PTPRD: variants seen among roughly 807,000 people sequenced by gnomAD.
PTPRD encodes protein tyrosine phosphatase receptor type D.
In PTPRD, 34 loss-of-function variants were observed where a neutral mutation model predicts 214.5. That is an observed-to-expected ratio of 0.16 (90% CI 0.12 to 0.21). PTPRD has a LOEUF of 0.21. PTPRD is among the 10% of genes least tolerant of loss of function. PTPRD has a pLI of 1.00. For synonymous variants in PTPRD, 1,128 were observed against 845.7 expected (o/e 1.33, Z -5.79); for missense variants, 2,545 against 2,398.7 (o/e 1.06, Z -1.27).
At position 8,953,070 on chromosome 9, in the gene PTPRD, G is replaced by GT. The variant is rs577498219; in HGVS notation, c.-104+65626dup. On this transcript the variant is annotated intron_variant, in intron 11 of 45. Transcript: ENST00000381196. Reference sequence around the variant, plus strand: ...AAGCAACGAATTATATTTTAGAATAGTTTTTTTTTTTAGATAAAATATATG... The same window carrying GT: ...AAGCAACGAATTATATTTTAGAATAGTTTTTTTTTTTTAGATAAAATATATG... Among the ~76,000 whole-genome samples, 479 of 148,162 alleles carry GT rather than the reference G, an allele frequency of 3.2e-3. 1 individual carries two copies. The highest frequency in any genetic ancestry group is 9.6e-3 in the African/African-American group (391 of 40,556).
intron 5 of PTPRD, among the ~76,000 whole-genome samples, chr9:9,783,100 C>T (rs2098871588): frequency 6.6e-6 from 1 of 152,042 alleles, no homozygotes; most frequent in African/African-American, 2.4e-5. Flanking sequence ...CATTCCTTGA[C>T]AATTAAAAAA....
At chr9:8,847,547 C>G (rs1209875481) in intron 11 of PTPRD, among the ~76,000 whole-genome samples, 1 of 152,080 alleles carries the variant, frequency 6.6e-6, no homozygotes, top group Non-Finnish European at 1.5e-5. Flanking sequence ...CCATAAAAGA[C>G]CGAGTAATTT....
At chr9:8,644,169 C>T (rs934780941) in intron 12 of PTPRD, among the ~76,000 whole-genome samples, 7 of 152,044 alleles carry the variant, frequency 4.6e-5, no homozygotes, top group African/African-American at 1.7e-4. Flanking sequence ...AGAGGAGCTA[C>T]CCTCTCTGAT....
chr9:9,706,471 C>T (rs1434270720), intron 7 of PTPRD, among the ~76,000 whole-genome samples: 1 of 151,242 alleles, frequency 6.6e-6, no homozygotes, highest in East Asian at 1.9e-4. Flanking sequence ...TGGAGTTTCA[C>T]TCTGGTCTCA....
intron 12 of PTPRD, among the ~76,000 whole-genome samples, chr9:8,670,252 T>C (rs2097256105): frequency 6.6e-6 from 1 of 152,150 alleles, no homozygotes; most frequent in Admixed American, 6.6e-5. Flanking sequence ...TATTTAGACT[T>C]GTTCGTCCTA....
intron 5 of PTPRD, among the ~76,000 whole-genome samples, chr9:9,861,574 C>A (rs909356778): frequency 1.3e-5 from 2 of 152,194 alleles, no homozygotes; most frequent in Non-Finnish European, 2.9e-5. Context: ...CTGGCGTGAG[C>A]CACCGCACAT....
intron 8 of PTPRD, among the ~76,000 whole-genome samples, chr9:9,496,271 G>T (rs549923107): frequency 6.6e-6 from 1 of 152,082 alleles, no homozygotes; most frequent in Admixed American, 6.5e-5. Flanking sequence ...GAGTAAAAAG[G>T]CAACAGAGTA....
At chr9:8,458,036 C>G (rs1024326576) in intron 33 of PTPRD, among the ~76,000 whole-genome samples, 2 of 152,098 alleles carry the variant, frequency 1.3e-5, no homozygotes, top group African/African-American at 2.4e-5. Flanking sequence ...ACTGCTGAAG[C>G]AAGCATTTCT....
intron 8 of PTPRD, among the ~76,000 whole-genome samples, chr9:9,410,988 T>G (rs1235392598): frequency 6.6e-6 from 1 of 152,142 alleles, no homozygotes; most frequent in Non-Finnish European, 1.5e-5. Flanking sequence ...AAATGAAAAG[T>G]AGGCCAAATA....
At chr9:9,566,989 C>T (rs1192321557) in intron 8 of PTPRD, among the ~76,000 whole-genome samples, 1 of 151,808 alleles carries the variant, frequency 6.6e-6, no homozygotes, top group African/African-American at 2.4e-5. Flanking sequence ...CCAATTTTAC[C>T]CTCAAAGTGT....
intron 11 of PTPRD, among the ~76,000 whole-genome samples, chr9:8,816,069 T>C (rs1208615149): frequency 6.6e-6 from 1 of 152,184 alleles, no homozygotes; most frequent in Admixed American, 6.5e-5. Context: ...AAACCACTAC[T>C]AAGGATTTTA....
At chr9:8,770,688 T>C (rs955843782) in intron 11 of PTPRD, among the ~76,000 whole-genome samples, 4 of 152,188 alleles carry the variant, frequency 2.6e-5, no homozygotes, top group African/African-American at 7.2e-5. Context: ...CGTGGAAATA[T>C]ATATTGTATG....
chr9:8,693,133 T>C (rs2097843477), intron 12 of PTPRD, among the ~76,000 whole-genome samples: 1 of 152,206 alleles, frequency 6.6e-6, no homozygotes, highest in Non-Finnish European at 1.5e-5. Context: ...CTCGTGTCCT[T>C]TGCACCTGAA....
chr9:9,975,329 T>C (rs958343631), intron 4 of PTPRD, among the ~76,000 whole-genome samples: 2 of 152,250 alleles, frequency 1.3e-5, no homozygotes, highest in Non-Finnish European at 2.9e-5. Context: ...CATAAATACT[T>C]AACTGTGGTT....
At chr9:8,951,318 T>TC (rs997998489) in intron 11 of PTPRD, among the ~76,000 whole-genome samples, 2 of 136,242 alleles carry the variant, frequency 1.5e-5, no homozygotes, top group African/African-American at 5.6e-5. Context: ...TGCTGGATCC[T>TC]CCTTTTTTTT....
intron 3 of PTPRD, among the ~76,000 whole-genome samples, chr9:10,094,149 A>G (rs1379047106): frequency 3.3e-5 from 5 of 151,528 alleles, no homozygotes; most frequent in Non-Finnish European, 7.4e-5. Context: ...TTGTAGGATT[A>G]GCTGACCGCT....
intron 8 of PTPRD, among the ~76,000 whole-genome samples, chr9:9,445,940 T>C (rs1043128312): frequency 1.2e-4 from 18 of 152,212 alleles, no homozygotes; most frequent in Admixed American, 2.0e-4. Flanking sequence ...GTGCAGAACA[T>C]TGTTTAGACA....
intron 9 of PTPRD, among the ~76,000 whole-genome samples, chr9:9,239,189 T>C (rs1289964524): frequency 6.8e-6 from 1 of 146,484 alleles, no homozygotes; most frequent in Non-Finnish European, 1.5e-5. Flanking sequence ...TTCAGGGAGA[T>C]GACTGTCTGA....
chr9:8,392,696 C>T (rs1192354153), intron 36 of PTPRD, among the ~76,000 whole-genome samples: 1 of 152,116 alleles, frequency 6.6e-6, no homozygotes, highest in Non-Finnish European at 1.5e-5. Context: ...ATGAAAGCCT[C>T]CTTCTGGCAA....
Sources: allele counts gnomAD v4.1 joint callset (sites outside exome capture counted in the v4.1 genomes callset), GRCh38; gene constraint gnomAD v4.1.1; transcripts MANE v1.5; gene names NCBI Gene and HGNC (gene_info 2026-07-23, HGNC 2026-07-21).